The following PTBP3 variants were observed in gnomAD, a reference collection of about 807,000 sequenced individuals.
PTBP3 encodes polypyrimidine tract-binding protein 3.
Under a neutral mutation model 58.7 loss-of-function variants are expected in PTBP3, and 20 were observed. The ratio of observed to expected loss-of-function variants is 0.34; its 90% CI spans 0.24 to 0.50. The LOEUF (loss-of-function observed/expected upper bound fraction) is 0.50. Among genes scored for constraint, PTBP3 ranks in the 20% least tolerant of loss-of-function variants. PTBP3 has a pLI of 0.98. For synonymous variants in PTBP3, 185 were observed against 219.8 expected, an observed-to-expected ratio of 0.84 and a Z score of 1.40; for missense variants, 509 against 637.2, an observed-to-expected ratio of 0.80 and a Z score of 2.17.
chr9:112,261,808 G>T (rs7875042), intron 5 of PTBP3, among the ~76,000 whole-genome samples: 278 of 152,046 alleles, frequency 1.8e-3, no homozygotes, highest in Non-Finnish European at 3.4e-3. Context: ...AATTCTAATT[G>T]GCTCTTCAAT....
chr9:112,306,087 T>C (rs902342664), intron 1 of PTBP3, among the ~76,000 whole-genome samples: 5 of 152,214 alleles, frequency 3.3e-5, no homozygotes, highest in African/African-American at 1.2e-4. Flanking sequence ...TGCATGGACC[T>C]TGTCTCATAA....
intron 5 of PTBP3, among the ~76,000 whole-genome samples, chr9:112,257,502 G>A (rs977216992): frequency 3.9e-5 from 6 of 151,996 alleles, no homozygotes; most frequent in Admixed American, 3.9e-4. Context: ...TATACCTCCT[G>A]TGTATTTTAA....
chr9:112,332,684 CAT>C, intron 1 of PTBP3: 1 of 1,436,112 alleles, frequency 7.0e-7, no homozygotes, highest in Non-Finnish European at 9.5e-7. Context: ...AGTTTATATA[CAT>C]AGACTCTAAA....
chr9:112,330,217 G>C (rs1830313309), intron 1 of PTBP3, among the ~76,000 whole-genome samples: 1 of 152,140 alleles, frequency 6.6e-6, no homozygotes, highest in Admixed American at 6.6e-5. Flanking sequence ...TAATTTAAGT[G>C]AAACTTTGGG....
Position 112,221,513 on chromosome 9 carries a change from G to A in PTBP3, c.*2338C>T. 1.0e-6 allele frequency: 1 copy of A among 985,438 alleles called. No homozygotes were observed. The highest frequency in any genetic ancestry group is 1.2e-6 in the Non-Finnish European group (1 of 829,742). 61.0% of individuals were successfully genotyped at this position (985,438 alleles called of 1,614,324 possible). A position where few individuals can be genotyped will look rare whatever the true frequency, so the allele number is the denominator to read the frequency against. On this transcript the variant is annotated 3_prime_UTR_variant, in exon 14 of 14. Coordinates refer to ENST00000374257, the MANE Select transcript of PTBP3 (RefSeq NM_001163788.4). The stretch of plus-strand genomic sequence containing the variant: ...AAATGAAATAATCCAATTTAACATG[G>A]CACTGAAAATTATAATAGTGCCTGT...
intron 10 of PTBP3, 41 bp from the exon 11 acceptor site, chr9:112,228,513 T>G: frequency 2.2e-6 from 3 of 1,357,810 alleles, no homozygotes; most frequent in Non-Finnish European, 3.0e-6. Context: ...AACGTCTGAT[T>G]GTGTTGTGTT....
chr9:112,376,003 C>T, the PTBP3 span, among the ~76,000 whole-genome samples: 23 of 152,038 alleles, frequency 1.5e-4, no homozygotes, highest in African/African-American at 4.8e-4. Flanking sequence ...TCCCTATCTG[C>T]CACTCATCCC....
At position 112,244,289 on chromosome 9, in the gene PTBP3, CAAAA is replaced by C. The variant is rs56052359; in HGVS notation, c.802+6636_802+6639del. 9.4e-3 allele frequency among the ~76,000 whole-genome samples: 340 copies of C among 36,308 alleles called. 32 individuals carry two copies. Among genetic ancestry groups the C allele is most frequent in the Middle Eastern group, 0.023 (1 of 44 alleles). 23.8% of individuals were successfully genotyped at this position (36,308 alleles called of 152,430 possible). ...TGGGCAACAGAGTGAGACTCTGTCT[CAAAA>C]AAAAAAAAAAAAAAGTTCTCAGGAA... is the stretch of plus-strand genomic sequence containing the variant. On this transcript the variant is annotated intron_variant, in intron 7 of 13. Coordinates refer to ENST00000374257, the MANE Select transcript of PTBP3 (RefSeq NM_001163788.4).
At position 112,276,008 on chromosome 9, in the gene PTBP3, C is replaced by T. The variant is rs1425711373; in HGVS notation, c.40G>A (p.Gly14Arg). 1.2e-6 allele frequency: 2 copies of T among 1,610,876 alleles called. No homozygotes were observed. Among genetic ancestry groups the T allele is most frequent in the African/African-American group, 2.7e-5 (2 of 74,738 alleles). Residue 14 changes from glycine (G) to arginine (R), a missense_variant, in exon 3 of 14, where the codon GGG becomes AGG. Transcript: ENST00000374257. The part of the protein sequence containing the change: ...STPSTGVYAN[G>R]NDSKKFKRDR... ...CGTTTAAATTTCTTGCTGTCATTCCCATTAGCTAAAAAACATAAGATTCTT... is the reference window on the plus strand; with the variant it reads ...CGTTTAAATTTCTTGCTGTCATTCCTATTAGCTAAAAAACATAAGATTCTT...
chr9:112,302,582 C>CTTTTTTTTTTTTTTTTTTTTTTT (rs369208342), intron 1 of PTBP3, among the ~76,000 whole-genome samples: 6 of 110,504 alleles, frequency 5.4e-5, no homozygotes, highest in African/African-American at 1.9e-4. Flanking sequence ...TATTCTTCAT[C>CTTTTTTTTTTTTTTTTTTTTTTT]TTTTTTTTTT....
At chr9:112,350,678 CTCTG>C in the PTBP3 span, among the ~76,000 whole-genome samples, 7 of 152,128 alleles carry the variant, frequency 4.6e-5, no homozygotes, top group African/African-American at 9.7e-5. Context: ...CTCTCTCACA[CTCTG>C]TCTCTCTCTC....
At chr9:112,233,792 G>A (rs936691702) in intron 8 of PTBP3, among the ~76,000 whole-genome samples, 4 of 152,100 alleles carry the variant, frequency 2.6e-5, no homozygotes, top group Admixed American at 6.6e-5. Context: ...TTAGCTGGGC[G>A]TGGTGACATG....
intron 1 of PTBP3, chr9:112,330,487 AG>A (rs1367885676): frequency 1.2e-5 from 18 of 1,512,916 alleles, no homozygotes; most frequent in Non-Finnish European, 1.6e-5. Context: ...GTATGGAAAA[AG>A]TAAAAAGAGA....
chr9:112,291,539 T>C (rs1271675158), intron 2 of PTBP3, among the ~76,000 whole-genome samples: 1 of 152,136 alleles, frequency 6.6e-6, no homozygotes, highest in Non-Finnish European at 1.5e-5. Flanking sequence ...ATGGAACAGA[T>C]TAGAGAACCC....
intron 1 of PTBP3, among the ~76,000 whole-genome samples, chr9:112,301,388 A>G (rs1327444010): frequency 6.6e-6 from 1 of 152,070 alleles, no homozygotes; most frequent in African/African-American, 2.4e-5. Context: ...GATCTCTCAT[A>G]CATTGCTGGT....
chr9:112,223,525 AC>A lies in PTBP3; in HGVS notation c.*325del. The stretch of plus-strand genomic sequence containing the variant: ...GAAATGTTGTATAAGGCTGATCTGG[AC>A]CCAAACTAAAACAACGTTAATCCTC... On this transcript the variant is annotated 3_prime_UTR_variant, in exon 14 of 14. Coordinates refer to ENST00000374257, the MANE Select transcript of PTBP3 (RefSeq NM_001163788.4). 1 of 959,284 alleles carries A rather than the reference AC, an allele frequency of 1.0e-6. No homozygotes were observed. Among genetic ancestry groups the A allele is most frequent in the Non-Finnish European group, 1.3e-6 (1 of 789,890 alleles). The allele number at this position is 959,284 out of a possible 1,614,324, so 59.4% of individuals were successfully genotyped here.
chr9:112,276,827 G>C (rs1445361496), intron 2 of PTBP3, among the ~76,000 whole-genome samples: 1 of 152,062 alleles, frequency 6.6e-6, no homozygotes, highest in Admixed American at 6.6e-5. Context: ...AGCCTGTAAG[G>C]AACACTTAAG....
At position 112,286,453 on chromosome 9, in the gene PTBP3, T is replaced by C. The variant is rs1425851177; in HGVS notation, c.35-10440A>G. The stretch of plus-strand genomic sequence containing the variant: ...CATTTACATTATATGCTATCCCTTT[T>C]TACTTTTTTTTAAGTGACTCCTGTG... On this transcript the variant is annotated intron_variant, in intron 2 of 13. Coordinates refer to ENST00000374257, the MANE Select transcript of PTBP3 (RefSeq NM_001163788.4). 2.0e-5 allele frequency among the ~76,000 whole-genome samples: 3 copies of C among 152,206 alleles called. No individual in the cohort carries two copies. The East Asian group carries it at 5.8e-4, about 29-fold the overall frequency.
chr9:112,307,221 G>T (rs1365146077), intron 1 of PTBP3, among the ~76,000 whole-genome samples: 2 of 152,204 alleles, frequency 1.3e-5, no homozygotes, highest in Non-Finnish European at 2.9e-5. Context: ...GGGAGGCCAA[G>T]GTGGGGGGAT....
Sources: gnomAD v4.1 joint callset for allele counts (sites outside exome capture counted in the v4.1 genomes callset) on GRCh38, gnomAD v4.1.1 for gene constraint, MANE v1.5 for transcripts, NCBI Gene and HGNC (gene_info 2026-07-23, HGNC 2026-07-21) for gene names.